The following COL9A1 variants were observed in gnomAD, a reference collection of about 807,000 sequenced individuals.
COL9A1 encodes the protein collagen alpha-1(IX) chain.
A neutral mutation model predicts 142.6 loss-of-function variants in COL9A1; 104 were observed. The observed-to-expected ratio is 0.73, with a 90% CI of 0.62 to 0.86. The LOEUF (loss-of-function observed/expected upper bound fraction) is 0.86. COL9A1 is among the 40% of genes least tolerant of loss of function. The probability of loss-of-function intolerance (pLI) is 0.00; values close to 1 mark genes in which losing one functional copy is unlikely to be tolerated. For synonymous variants in COL9A1, 466 were observed against 396.0 expected (o/e 1.18, Z -2.10); for missense variants, 1,210 against 1,176.6 (o/e 1.03, Z -0.42).
At chr6:70,282,940 G>A (rs777661731) in intron 6 of COL9A1, 22 bp from the exon 7 acceptor site, 11 of 1,614,088 alleles carry the variant, frequency 6.8e-6, no homozygotes, top group Non-Finnish European at 8.5e-6. Context: ...AAGATGGGGA[G>A]AAAGTGAGAA....
rs983596283 is a variant in COL9A1, at chr6:70,270,323, TG to T, written c.1187del (p.Pro396GlnfsTer33). ...GCTGCAAATAACTTACTCTGGGTCC[TG>T]GGGGGCCAGGGGGGCCAGGTGGTCC... ...RRGPPGPPGPPGPRGTIGFHD... is the reference protein window; with the variant it reads ...RRGPPGPPGPXGPRGTIGFHD... On this transcript the variant is annotated frameshift_variant, in exon 15 of 38. Coordinates refer to ENST00000357250, the MANE Select transcript of COL9A1 (RefSeq NM_001851.6). LOFTEE classifies it high-confidence loss of function. 2 of 1,613,612 alleles carry T rather than the reference TG, an allele frequency of 1.2e-6. No homozygotes were observed. The highest frequency in any genetic ancestry group is 2.2e-5 in the East Asian group (1 of 44,894).
chr6:70,280,703 C>T (rs1773092873), intron 10 of COL9A1, 109 bp downstream of exon 10: 3 of 1,412,848 alleles, frequency 2.1e-6, no homozygotes, highest in Admixed American at 4.0e-5. Flanking sequence ...AGCCACAGCG[C>T]GTTCTCTCTC....
At chr6:70,277,945 G>A (rs535621771) in intron 10 of COL9A1, among the ~76,000 whole-genome samples, 1 of 152,196 alleles carries the variant, frequency 6.6e-6, no homozygotes, top group Admixed American at 6.5e-5. Flanking sequence ...CTATGGCCAA[G>A]GACAAACAAA....
chr6:70,292,911 G>T (rs890126103), intron 5 of COL9A1, among the ~76,000 whole-genome samples: 1 of 152,134 alleles, frequency 6.6e-6, no homozygotes, highest in Non-Finnish European at 1.5e-5. Context: ...ATTAAATGAA[G>T]AAATACTTTT....
At chr6:70,277,854 C>T (rs904216902) in intron 10 of COL9A1, among the ~76,000 whole-genome samples, 3 of 152,142 alleles carry the variant, frequency 2.0e-5, no homozygotes, top group Non-Finnish European at 4.4e-5. Context: ...CGAAATGATT[C>T]GAGGTTTAAG....
intron 15 of COL9A1, 28 bp downstream of exon 15, chr6:70,270,286 A>G: frequency 1.2e-6 from 2 of 1,609,252 alleles, no homozygotes; most frequent in Non-Finnish European, 1.7e-6. Context: ...TCAGACACAA[A>G]CAGAAATTCA....
At chr6:70,280,501 C>T (rs1210679657) in intron 10 of COL9A1, 15 of 1,339,102 alleles carry the variant, frequency 1.1e-5, no homozygotes, top group Non-Finnish European at 1.3e-5. Flanking sequence ...CCTCTGGCCC[C>T]AGTGGGGCTG....
chr6:70,226,060 C>T, intron 36 of COL9A1, 51 bp from the exon 37 acceptor site: 1 of 1,462,196 alleles, frequency 6.8e-7, no homozygotes. Context: ...TAAAAATAAA[C>T]TTCCGCATCT....
chr6:70,246,411 A>G (rs1376502823), intron 28 of COL9A1: 1 of 152,232 alleles, frequency 6.6e-6, no homozygotes, highest in Non-Finnish European at 1.5e-5. Context: ...GCAGCCGCCA[A>G]TCAGGGCTTT....
chr6:70,242,741 T>A, intron 28 of COL9A1, 26 bp from the exon 29 acceptor site: 2 of 1,610,784 alleles, frequency 1.2e-6, no homozygotes, highest in South Asian at 1.1e-5. Context: ...CATTGTCAAT[T>A]GGATATTTTG....
intron 10 of COL9A1, chr6:70,275,095 T>C (rs1772672810): frequency 2.8e-6 from 1 of 363,568 alleles, no homozygotes; most frequent in East Asian, 6.4e-5. Flanking sequence ...TACAATGTTG[T>C]AATAGCTAAG....
At chr6:70,257,676 G>A (rs559149551) in intron 20 of COL9A1, among the ~76,000 whole-genome samples, 4 of 152,270 alleles carry the variant, frequency 2.6e-5, no homozygotes, top group East Asian at 1.9e-4. Context: ...GGGCCCGAGA[G>A]GAGGAGATTG....
chr6:70,298,163 A>C (rs1773914394), intron 4 of COL9A1, among the ~76,000 whole-genome samples: 1 of 152,172 alleles, frequency 6.6e-6, no homozygotes, highest in Non-Finnish European at 1.5e-5. Context: ...CTAAGGAGAA[A>C]AGACTTTCAT....
intron 9 of COL9A1, 57 bp from the exon 10 acceptor site, chr6:70,280,931 C>T: frequency 6.2e-7 from 1 of 1,612,788 alleles, no homozygotes; most frequent in African/African-American, 1.3e-5. Context: ...AAGTTGAGAC[C>T]CTTCAGAAAC....
chr6:70,260,551 A>AG, intron 20 of COL9A1, 106 bp downstream of exon 20: 1 of 744,096 alleles, frequency 1.3e-6, no homozygotes, highest in Non-Finnish European at 2.0e-6. Flanking sequence ...TCCATCTCAA[A>AG]AAAAAAAAAA....
chr6:70,224,870 TTTGAG>T (rs1440718068), intron 37 of COL9A1, among the ~76,000 whole-genome samples: 1 of 152,142 alleles, frequency 6.6e-6, no homozygotes, highest in Non-Finnish European at 1.5e-5. Context: ...AAAGGCAGTG[TTTGAG>T]TTATCTCCAA....
At chr6:70,257,331 T>C (rs1313500858) in intron 20 of COL9A1, among the ~76,000 whole-genome samples, 1 of 152,154 alleles carries the variant, frequency 6.6e-6, no homozygotes, top group Non-Finnish European at 1.5e-5. Flanking sequence ...AGTGCTGAGA[T>C]TACAGGCGTG....
At position 70,294,208 on chromosome 6, in the gene COL9A1, C is replaced by G; in HGVS notation, c.655G>C (p.Val219Leu). 1.9e-6 allele frequency: 3 copies of G among 1,614,066 alleles called. No individual in the cohort carries two copies. The highest frequency in any genetic ancestry group is 2.2e-5 in the East Asian group (1 of 44,884). ...GGATTATCTGCAAGTTTTCCCAGCA[C>G]AGCAAAGCCATCAATGTCAATTGGG... ...RGPIDIDGFA[V>L]LGKLADNPQV... Residue 219 changes from valine to leucine, a missense_variant, in exon 5 of 38, where the codon GTG becomes CTG. Coordinates refer to ENST00000357250, the MANE Select transcript of COL9A1 (RefSeq NM_001851.6).
chr6:70,257,884 G>A (rs1771421988), intron 20 of COL9A1, among the ~76,000 whole-genome samples: 2 of 152,230 alleles, frequency 1.3e-5, no homozygotes, highest in Non-Finnish European at 2.9e-5. Flanking sequence ...GGAATAAGAA[G>A]TCCAGCCACA....
Sources: gnomAD v4.1 joint callset for allele counts (sites outside exome capture counted in the v4.1 genomes callset) on GRCh38, gnomAD v4.1.1 for gene constraint, MANE v1.5 for transcripts, NCBI Gene and HGNC (gene_info 2026-07-23, HGNC 2026-07-21) for gene names.